The following COX7B2 variants were observed in gnomAD, a reference collection of about 807,000 sequenced individuals.
COX7B2 encodes the protein cytochrome c oxidase subunit 7B2, mitochondrial.
For missense variants in COX7B2, 109 were observed against 95.9 expected (o/e 1.14, Z -0.57); for synonymous variants, 37 against 32.1 (o/e 1.15, Z -0.51).
chr4:46,886,477 G>A (rs916157119), intron 1 of COX7B2, among the ~76,000 whole-genome samples: 4 of 151,872 alleles, frequency 2.6e-5, no homozygotes, highest in Non-Finnish European at 5.9e-5. Context: ...TTGTACTATC[G>A]AATACAAGAA....
intron 2 of COX7B2, among the ~76,000 whole-genome samples, chr4:46,750,589 T>C (rs1277336077): frequency 6.6e-6 from 1 of 152,042 alleles, no homozygotes; most frequent in Admixed American, 6.6e-5. Flanking sequence ...CACTCAATGG[T>C]TTCTAACTTC....
chr4:46,804,609 G>T (rs1718886566), intron 2 of COX7B2, among the ~76,000 whole-genome samples: 1 of 152,170 alleles, frequency 6.6e-6, no homozygotes, highest in Non-Finnish European at 1.5e-5. Context: ...AGTGTCAATT[G>T]GTGCATTCAC....
At chr4:46,771,981 A>G (rs1325741040) in intron 2 of COX7B2, among the ~76,000 whole-genome samples, 4 of 152,172 alleles carry the variant, frequency 2.6e-5, no homozygotes, top group Non-Finnish European at 4.4e-5. Context: ...CTTGGCATGC[A>G]CAACCTGTAT....
intron 2 of COX7B2, among the ~76,000 whole-genome samples, chr4:46,776,408 G>C (rs1253519399): frequency 2.0e-5 from 3 of 151,682 alleles, no homozygotes; most frequent in Non-Finnish European, 4.4e-5. Flanking sequence ...GTGTGTGTGT[G>C]TGTGTGTGTG....
At chr4:46,890,333 G>T (rs1251036842) in intron 1 of COX7B2, among the ~76,000 whole-genome samples, 2 of 152,120 alleles carry the variant, frequency 1.3e-5, no homozygotes, top group Non-Finnish European at 2.9e-5. Context: ...TATTCTTTTT[G>T]CCTATGCCAA....
chr4:46,894,199 T>A (rs947589238), intron 1 of COX7B2, among the ~76,000 whole-genome samples: 1 of 152,066 alleles, frequency 6.6e-6, no homozygotes, highest in African/African-American at 2.4e-5. Flanking sequence ...ACGGCCTGAA[T>A]AGCCAAAGTA....
At chr4:46,847,358 A>T (rs1003504738) in intron 1 of COX7B2, among the ~76,000 whole-genome samples, 2 of 152,088 alleles carry the variant, frequency 1.3e-5, no homozygotes, top group African/African-American at 4.8e-5. Flanking sequence ...GCCAGCTTGC[A>T]AGGCCTTCAG....
intron 1 of COX7B2, among the ~76,000 whole-genome samples, chr4:46,856,681 G>A (rs1717026533): frequency 6.6e-6 from 1 of 152,098 alleles, no homozygotes; most frequent in African/African-American, 2.4e-5. Flanking sequence ...TCTCAGAAAA[G>A]GGTGAAATTA....
At chr4:46,847,833 G>T (rs1018033224) in intron 1 of COX7B2, among the ~76,000 whole-genome samples, 2 of 151,982 alleles carry the variant, frequency 1.3e-5, no homozygotes, top group African/African-American at 4.8e-5. Context: ...TCTTCTAGAA[G>T]CTGACAGGTA....
intron 2 of COX7B2, among the ~76,000 whole-genome samples, chr4:46,824,211 T>C (rs1577613680): frequency 6.6e-6 from 1 of 152,256 alleles, no homozygotes; most frequent in Middle Eastern, 3.4e-3. Flanking sequence ...CAGGACCTGA[T>C]GGATTCACGG....
rs188253528 is a variant in COX7B2 at position 46,793,027 on chromosome 4, A to G, written c.-50+51933T>C. Among the ~76,000 whole-genome samples the G allele has an allele frequency of 1.2e-3, 187 of 152,352 alleles. 1 individual carries two copies. Among genetic ancestry groups the G allele is most frequent in the African/African-American group, 4.3e-3 (177 of 41,582 alleles). On this transcript the variant is annotated intron_variant, in intron 2 of 2. Coordinates refer to ENST00000355591, the MANE Select transcript of COX7B2 (RefSeq NM_130902.3). ...ATTAAAGAAGAAAGAAACACAAAACACGGCTTGGCAGTCAAAGACAGGTTT... is the reference window on the plus strand; with the variant it reads ...ATTAAAGAAGAAAGAAACACAAAACGCGGCTTGGCAGTCAAAGACAGGTTT...
At chr4:46,848,533 T>C (rs1335407408) in intron 1 of COX7B2, among the ~76,000 whole-genome samples, 1 of 152,064 alleles carries the variant, frequency 6.6e-6, no homozygotes. Flanking sequence ...CTTTAATCTA[T>C]ATTTATCTAT....
At chr4:46,746,509 G>A (rs1456820715) in intron 2 of COX7B2, among the ~76,000 whole-genome samples, 1 of 152,000 alleles carries the variant, frequency 6.6e-6, no homozygotes, top group Non-Finnish European at 1.5e-5. Context: ...GAATGGGGCG[G>A]AAACAAAAGA....
intron 2 of COX7B2, among the ~76,000 whole-genome samples, chr4:46,802,577 A>G (rs1251491496): frequency 2.0e-5 from 3 of 152,090 alleles, no homozygotes; most frequent in East Asian, 1.9e-4. Context: ...CATTGCTCTC[A>G]TTTCATATGT....
In COX7B2 at chr4:46,766,772, A is replaced by T. The variant is rs1004343607; in HGVS notation, c.-49-31531T>A. Reference sequence around the variant, plus strand: ...AATTTTTGCATATGGTTGAAATTAAATGTTATCTGCATTAAACTGACCATT... The same window carrying T: ...AATTTTTGCATATGGTTGAAATTAATTGTTATCTGCATTAAACTGACCATT... On this transcript the variant is annotated intron_variant, in intron 2 of 2. Transcript: ENST00000355591. Among the ~76,000 whole-genome samples, 3 of 152,114 alleles carry T rather than the reference A, an allele frequency of 2.0e-5. No individual in the cohort carries two copies. In the East Asian group the frequency reaches 5.8e-4, roughly 29 times the overall value.
At chr4:46,786,033 C>G (rs543797791) in intron 2 of COX7B2, among the ~76,000 whole-genome samples, 6 of 151,782 alleles carry the variant, frequency 4.0e-5, no homozygotes, top group African/African-American at 1.4e-4. Context: ...TTTTGAAATT[C>G]AAAATAGTTC....
chr4:46,832,359 C>T (rs1290350241), intron 2 of COX7B2, among the ~76,000 whole-genome samples: 4 of 152,032 alleles, frequency 2.6e-5, no homozygotes, highest in East Asian at 3.9e-4. Context: ...ACACCCACCC[C>T]GAGGGTACAC....
Position 46,874,616 on chromosome 4 carries a change from G to A in COX7B2, c.-104-29602C>T, listed in dbSNP as rs2036942. On this transcript the variant is annotated intron_variant, in intron 1 of 2. Transcript: ENST00000355591. ...TTCTCAGTTACATTAATCATATTTC[G>A]AAATCAAGTTTATGTTTTGATACAT... Among the ~76,000 whole-genome samples the A allele has an allele frequency of 3.2e-4, 49 of 151,582 alleles. No homozygotes were observed. In the East Asian group the frequency reaches 7.4e-3, roughly 23 times the overall value.
At chr4:46,859,688 C>T (rs762544598) in intron 1 of COX7B2, among the ~76,000 whole-genome samples, 1 of 152,106 alleles carries the variant, frequency 6.6e-6, no homozygotes, top group Non-Finnish European at 1.5e-5. Flanking sequence ...CCATCCAGAA[C>T]CAGCAAATGG....
Sources: gnomAD v4.1 joint callset for allele counts (sites outside exome capture counted in the v4.1 genomes callset) on GRCh38, gnomAD v4.1.1 for gene constraint, MANE v1.5 for transcripts, NCBI Gene and HGNC (gene_info 2026-07-23, HGNC 2026-07-21) for gene names.